The following RBMS3 variants were observed in gnomAD, a reference collection of about 807,000 sequenced individuals.
RBMS3 encodes RNA binding motif single stranded interacting protein 3.
A neutral mutation model predicts 66.8 loss-of-function variants in RBMS3; 27 were observed. That is an observed-to-expected ratio of 0.40 (90% CI 0.30 to 0.56). The LOEUF (loss-of-function observed/expected upper bound fraction) is 0.56, where lower values mean the gene tolerates loss of function less well. RBMS3 is among the 20% of genes least tolerant of loss of function. The pLI, the probability that RBMS3 is intolerant of heterozygous loss-of-function variation, is 0.40. For missense variants in RBMS3, 513 were observed against 549.5 expected, an observed-to-expected ratio of 0.93 and a Z score of 0.66; for synonymous variants, 188 against 183.0, an observed-to-expected ratio of 1.03 and a Z score of -0.22.
At chr3:29,450,933 C>CCA (rs2041996883) in intron 2 of RBMS3, among the ~76,000 whole-genome samples, 1 of 104,200 alleles carries the variant, frequency 9.6e-6, no homozygotes, top group Non-Finnish European at 2.2e-5. Flanking sequence ...ACACACACAC[C>CCA]CCCCACACAC....
intron 4 of RBMS3, among the ~76,000 whole-genome samples, chr3:29,631,595 C>T (rs968013216): frequency 2.0e-5 from 3 of 151,778 alleles, no homozygotes; most frequent in Non-Finnish European, 2.9e-5. Context: ...CACCAGAATC[C>T]CACTAGAACA....
At chr3:29,568,773 AT>A (rs912315976) in intron 3 of RBMS3, among the ~76,000 whole-genome samples, 1 of 152,158 alleles carries the variant, frequency 6.6e-6, no homozygotes, top group African/African-American at 2.4e-5. Flanking sequence ...ACTCCCTAAT[AT>A]TAGAATTGTC....
At chr3:29,962,745 T>C (rs908252248) in intron 12 of RBMS3, among the ~76,000 whole-genome samples, 2 of 152,060 alleles carry the variant, frequency 1.3e-5, no homozygotes, top group African/African-American at 4.8e-5. Context: ...TCCTGATTAT[T>C]CACTGTTTGT....
intron 3 of RBMS3, among the ~76,000 whole-genome samples, chr3:29,568,201 C>T (rs1404374535): frequency 1.3e-5 from 2 of 152,142 alleles, no homozygotes; most frequent in Non-Finnish European, 2.9e-5. Context: ...CCAATTTGAA[C>T]TTAGTAACTA....
At chr3:29,725,646 A>G (rs576772710) in intron 4 of RBMS3, among the ~76,000 whole-genome samples, 76 of 152,338 alleles carry the variant, frequency 5.0e-4, no homozygotes, top group African/African-American at 1.8e-3. Flanking sequence ...ACATCATCCC[A>G]AGACTAAACC....
At chr3:29,648,115 C>G (rs181312830) in intron 4 of RBMS3, among the ~76,000 whole-genome samples, 64 of 152,026 alleles carry the variant, frequency 4.2e-4, no homozygotes, top group Admixed American at 4.2e-3. Flanking sequence ...AATCTTAAAC[C>G]CTGATGTTGT....
chr3:29,393,087 C>G (rs2039381817), intron 1 of RBMS3, among the ~76,000 whole-genome samples: 1 of 152,154 alleles, frequency 6.6e-6, no homozygotes, highest in South Asian at 2.1e-4. Flanking sequence ...AACTACACTG[C>G]AAAGTACCTT....
At chr3:29,779,104 T>TG (rs1412766979) in intron 6 of RBMS3, among the ~76,000 whole-genome samples, 4 of 151,866 alleles carry the variant, frequency 2.6e-5, no homozygotes, top group Admixed American at 2.6e-4. Flanking sequence ...ATTTTCAGAA[T>TG]GGAAATATTG....
Position 29,368,186 on chromosome 3 carries a change from T to C in RBMS3, c.76-66557T>C, listed in dbSNP as rs140332888. On this transcript the variant is annotated intron_variant, in intron 1 of 14. Coordinates refer to ENST00000383767, the MANE Select transcript of RBMS3 (RefSeq NM_001003793.3). ...TGAGAAGTTTTATCCTGAAATAGCTTACCAATGGAAGTTAGAAGTGGGTCT... is the reference window on the plus strand; with the variant it reads ...TGAGAAGTTTTATCCTGAAATAGCTCACCAATGGAAGTTAGAAGTGGGTCT... Among the ~76,000 whole-genome samples, 1,513 of 152,272 alleles carry C rather than the reference T, an allele frequency of 9.9e-3. 24 individuals carry two copies. Among genetic ancestry groups the C allele is most frequent in the African/African-American group, 0.034 (1,413 of 41,548 alleles).
At chr3:29,511,830 G>T (rs1038338556) in intron 3 of RBMS3, among the ~76,000 whole-genome samples, 14 of 152,096 alleles carry the variant, frequency 9.2e-5, no homozygotes, top group African/African-American at 3.4e-4. Context: ...GAAAGCATAT[G>T]TATCACAAGA....
At chr3:29,888,426 C>A (rs2059923382) in intron 8 of RBMS3, among the ~76,000 whole-genome samples, 1 of 151,764 alleles carries the variant, frequency 6.6e-6, no homozygotes, top group Middle Eastern at 3.4e-3. Context: ...CTAATGGTAG[C>A]ACCAGTCCCT....
intron 3 of RBMS3, among the ~76,000 whole-genome samples, chr3:29,555,031 A>AT (rs925759710): frequency 1.3e-5 from 2 of 152,138 alleles, no homozygotes; most frequent in African/African-American, 4.8e-5. Flanking sequence ...TTATTCTTTT[A>AT]TTTTTTGTTC....
chr3:29,983,949 G>T (rs1698186513), intron 12 of RBMS3, among the ~76,000 whole-genome samples: 2 of 152,134 alleles, frequency 1.3e-5, no homozygotes, highest in South Asian at 4.1e-4. Flanking sequence ...GAATTTGAAT[G>T]TTGGCCTGTC....
chr3:29,858,282 C>T (rs2059130260), intron 6 of RBMS3, among the ~76,000 whole-genome samples: 1 of 151,988 alleles, frequency 6.6e-6, no homozygotes, highest in Non-Finnish European at 1.5e-5. Flanking sequence ...GTACCTCTTT[C>T]TAATAAAAAA....
chr3:29,502,766 G>A (rs981081248), intron 3 of RBMS3, among the ~76,000 whole-genome samples: 1 of 152,096 alleles, frequency 6.6e-6, no homozygotes, highest in Non-Finnish European at 1.5e-5. Context: ...ACTTTAAAGT[G>A]AGCTGCAGTT....
intron 1 of RBMS3, among the ~76,000 whole-genome samples, chr3:29,410,016 A>G (rs1358204134): frequency 6.6e-6 from 1 of 152,130 alleles, no homozygotes; most frequent in Admixed American, 6.6e-5. Flanking sequence ...CTTTCAGGTA[A>G]TGAGATTGTA....
At chr3:29,360,048 C>G (rs1324422329) in intron 1 of RBMS3, among the ~76,000 whole-genome samples, 1 of 152,080 alleles carries the variant, frequency 6.6e-6, no homozygotes, top group Non-Finnish European at 1.5e-5. Context: ...CTGTTTCCTT[C>G]AGTTCTGCTC....
intron 4 of RBMS3, among the ~76,000 whole-genome samples, chr3:29,595,010 A>G (rs1031691269): frequency 2.6e-5 from 4 of 152,186 alleles, no homozygotes; most frequent in African/African-American, 9.6e-5. Flanking sequence ...AATCAACAAA[A>G]GAATTGCCTC....
chr3:29,543,089 A>G (rs1360436347), intron 3 of RBMS3, among the ~76,000 whole-genome samples: 1 of 152,190 alleles, frequency 6.6e-6, no homozygotes, highest in Non-Finnish European at 1.5e-5. Context: ...AGACCACCAC[A>G]TATGGGGAAG....
Sources: allele counts gnomAD v4.1 joint callset (sites outside exome capture counted in the v4.1 genomes callset), GRCh38; gene constraint gnomAD v4.1.1; transcripts MANE v1.5; gene names NCBI Gene and HGNC (gene_info 2026-07-23, HGNC 2026-07-21).